Variants in MYRFL observed in about 807,000 individuals in gnomAD.
MYRFL encodes the protein myelin regulatory factor-like protein.
Under a neutral mutation model 109.4 loss-of-function variants are expected in MYRFL, and 88 were observed. That is an observed-to-expected ratio of 0.80 (90% confidence interval 0.68 to 0.96). The LOEUF is 0.96. Among genes scored for constraint, MYRFL ranks in the 40% least tolerant of loss-of-function variants. The pLI is 0.00. For missense variants in MYRFL, 957 were observed against 954.9 expected, an observed-to-expected ratio of 1.00 and a Z score of -0.03; for synonymous variants, 324 against 320.9, an observed-to-expected ratio of 1.01 and a Z score of -0.10.
At chr12:69,884,112 T>C (rs1178962061) in intron 5 of MYRFL, among the ~76,000 whole-genome samples, 1 of 152,212 alleles carries the variant, frequency 6.6e-6, no homozygotes, top group Admixed American at 6.5e-5. Context: ...ACTTATGATC[T>C]GTGTACTCTT....
chr12:69,837,001 A>G (rs1882982926), intron 1 of MYRFL, among the ~76,000 whole-genome samples: 1 of 152,154 alleles, frequency 6.6e-6, no homozygotes, highest in African/African-American at 2.4e-5. Context: ...ACATTTTACA[A>G]ACTCTTGCAT....
At chr12:69,842,163 A>G (rs1883283511) in intron 1 of MYRFL, among the ~76,000 whole-genome samples, 2 of 152,294 alleles carry the variant, frequency 1.3e-5, no homozygotes, top group South Asian at 2.1e-4. Flanking sequence ...GTGTTAAGAA[A>G]TGCAATGTGG....
rs1009157218 is a variant in MYRFL at position 69,910,154 on chromosome 12, T to C, written c.1492+77T>C. On this transcript the variant is annotated intron_variant, in intron 12 of 24. Transcript: ENST00000552032. ...TAATTACCTCTTTATTTTGAGGTTA[T>C]GTGCTATGGCATTTGACAACGCTAT... The C allele has an allele frequency of 1.2e-5, 12 of 963,028 alleles. No individual in the cohort carries two copies. In the Admixed American group the frequency reaches 2.8e-4, roughly 22 times the overall value. The allele number at this position is 963,028 out of a possible 1,614,324, so 59.7% of individuals were successfully genotyped here.
chr12:69,878,366 C>A (rs1051697883), intron 2 of MYRFL, among the ~76,000 whole-genome samples: 1 of 152,038 alleles, frequency 6.6e-6, no homozygotes, highest in Admixed American at 6.6e-5. Flanking sequence ...GCTTTGGGAT[C>A]CCTTTGCGCC....
chr12:69,895,245 G>C (rs1566005929), intron 8 of MYRFL, 126 bp from the exon 9 acceptor site: 2 of 684,522 alleles, frequency 2.9e-6, no homozygotes, highest in African/African-American at 1.8e-5. Context: ...AGAATAAACT[G>C]TTCTCTCAGT....
chr12:69,932,692 T>C lies in MYRFL; in HGVS notation c.1916+94T>C, dbSNP rs915473934. 13 of 922,780 alleles carry C rather than the reference T, an allele frequency of 1.4e-5. No homozygotes were observed. The Middle Eastern group carries it at 1.1e-3, about 76-fold the overall frequency. The allele number at this position is 922,780 out of a possible 1,614,324, so 57.2% of individuals were successfully genotyped here. A position where few individuals can be genotyped will look rare whatever the true frequency, so the allele number is the denominator to read the frequency against. ...ATGAACTGGGGACTGGCCTGTTTACTTTGAAGACAAGAAGCCCTTTAAACT... is the reference window on the plus strand; with the variant it reads ...ATGAACTGGGGACTGGCCTGTTTACCTTGAAGACAAGAAGCCCTTTAAACT... On this transcript the variant is annotated intron_variant, in intron 16 of 24. Transcript: ENST00000552032.
At chr12:69,881,665 A>C (rs1886123362) in intron 5 of MYRFL, among the ~76,000 whole-genome samples, 1 of 152,220 alleles carries the variant, frequency 6.6e-6, no homozygotes, top group South Asian at 2.1e-4. Context: ...TCAGAATTGC[A>C]CTGGGCATCT....
chr12:69,827,950 G>A (rs1882392415), intron 1 of MYRFL, among the ~76,000 whole-genome samples: 1 of 151,962 alleles, frequency 6.6e-6, no homozygotes, highest in Non-Finnish European at 1.5e-5. Context: ...TGGAGTGATA[G>A]GATTATGAAG....
intron 22 of MYRFL, 32 bp from the exon 23 acceptor site, chr12:69,957,790 C>T (rs1287653788): frequency 2.7e-6 from 4 of 1,502,472 alleles, no homozygotes; most frequent in Non-Finnish European, 2.7e-6. Flanking sequence ...ACTGCTTTTT[C>T]AGGTGCTCTT....
At chr12:69,940,284 G>A (rs1339935312) in intron 19 of MYRFL, among the ~76,000 whole-genome samples, 3 of 150,654 alleles carry the variant, frequency 2.0e-5, no homozygotes, top group South Asian at 2.1e-4. Flanking sequence ...AGGAAAAAAT[G>A]TTAAGGGCAG....
At chr12:69,874,151 C>A (rs921785182) in intron 2 of MYRFL, among the ~76,000 whole-genome samples, 1 of 152,118 alleles carries the variant, frequency 6.6e-6, no homozygotes, top group Admixed American at 6.6e-5. Flanking sequence ...TTACTTTAAG[C>A]ACTCAAATGT....
chr12:69,900,773 T>G (rs1566010914), intron 10 of MYRFL, among the ~76,000 whole-genome samples: 2 of 152,338 alleles, frequency 1.3e-5, no homozygotes, highest in African/African-American at 4.8e-5. Context: ...TTCAAATTGC[T>G]GCTGATGCTG....
chr12:69,936,525 C>T lies in MYRFL; in HGVS notation c.2117C>T (p.Pro706Leu), dbSNP rs947554314. The T allele has an allele frequency of 9.8e-6, 15 of 1,535,984 alleles. No homozygotes were observed. Among genetic ancestry groups the T allele is most frequent in the East Asian group, 4.9e-5 (2 of 40,926 alleles). The stretch of plus-strand genomic sequence containing the variant: ...GAAATTACTTTCTGTGAAATCCTGC[C>T]GTGTCAGGAGACTTATTGCTGCCCC... ...VPEITFCEIL[P>L]CQETYCCPIR... is the part of the protein sequence containing the mutation. The change falls in exon 19 of 25, where the codon CCG becomes CTG. Residue 706 changes from proline (P) to leucine (L), a missense_variant. By Grantham distance (98) the Pro-to-Leu change is moderately conservative (BLOSUM62 -3). Coordinates refer to ENST00000552032, the MANE Select transcript of MYRFL (RefSeq NM_182530.3).
chr12:69,927,813 C>A, intron 15 of MYRFL, 65 bp downstream of exon 15: 1 of 1,400,648 alleles, frequency 7.1e-7, no homozygotes, highest in East Asian at 2.5e-5. Flanking sequence ...TTAGAGAAAT[C>A]AGTCAAGAAT....
At chr12:69,859,045 A>ATT (rs1350446085) in intron 2 of MYRFL, among the ~76,000 whole-genome samples, 1 of 151,554 alleles carries the variant, frequency 6.6e-6, no homozygotes, top group Non-Finnish European at 1.5e-5. Flanking sequence ...ATATATATAT[A>ATT]TTTTTTTCAG....
chr12:69,949,973 A>G (rs1955936015), intron 19 of MYRFL, among the ~76,000 whole-genome samples: 1 of 152,184 alleles, frequency 6.6e-6, no homozygotes, highest in Non-Finnish European at 1.5e-5. Context: ...ACTCAGAACA[A>G]TGTTCAATGA....
chr12:69,849,279 C>A (rs987632642), intron 1 of MYRFL, among the ~76,000 whole-genome samples: 1 of 152,104 alleles, frequency 6.6e-6, no homozygotes, highest in Non-Finnish European at 1.5e-5. Flanking sequence ...ATGTTGAATG[C>A]CTTTTGGCAT....
At chr12:69,847,189 T>A (rs1455742992) in intron 1 of MYRFL, among the ~76,000 whole-genome samples, 2 of 152,194 alleles carry the variant, frequency 1.3e-5, no homozygotes, top group African/African-American at 2.4e-5. Flanking sequence ...CAGAGGGCTC[T>A]GAAGGAAACT....
rs536556549 is a variant in MYRFL, at chr12:69,853,461, C to T, written c.47-1819C>T. Among the ~76,000 whole-genome samples, 8 of 151,148 alleles carry T rather than the reference C, an allele frequency of 5.3e-5. No individual in the cohort carries two copies. In the South Asian group the frequency reaches 1.5e-3, roughly 28 times the overall value. On this transcript the variant is annotated intron_variant, in intron 1 of 24. Transcript: ENST00000552032. ...GGGGTGGTGGTCGGGCAGAGACACT[C>T]CTCAGTTCCCAGACGGAGTCGCGGC...
Sources: gnomAD v4.1 joint callset for allele counts (sites outside exome capture counted in the v4.1 genomes callset) on GRCh38, gnomAD v4.1.1 for gene constraint, MANE v1.5 for transcripts, NCBI Gene and HGNC (gene_info 2026-07-23, HGNC 2026-07-21) for gene names.